CTNNA3: variants seen among roughly 807,000 people sequenced by gnomAD.
CTNNA3 encodes the protein catenin alpha-3.
Under a neutral mutation model 95.7 loss-of-function variants are expected in CTNNA3, and 76 were observed. That is an observed-to-expected ratio of 0.79 (90% CI 0.66 to 0.96). CTNNA3 has a LOEUF of 0.96. Ranked by LOEUF, CTNNA3 falls within the 40% of genes least tolerant of loss-of-function variation. The pLI is 0.00. For synonymous variants in CTNNA3, 431 were observed against 374.4 expected (o/e 1.15, Z -1.74); for missense variants, 1,191 against 1,089.8 (o/e 1.09, Z -1.31).
intron 13 of CTNNA3, among the ~76,000 whole-genome samples, chr10:66,114,144 A>G (rs2082225382): frequency 6.6e-6 from 1 of 152,084 alleles, no homozygotes; most frequent in Non-Finnish European, 1.5e-5. Flanking sequence ...GGAAAATCTC[A>G]CCTTTTTCAT....
At chr10:66,977,660 A>G (rs1850127167) in intron 7 of CTNNA3, among the ~76,000 whole-genome samples, 1 of 152,194 alleles carries the variant, frequency 6.6e-6, no homozygotes, top group South Asian at 2.1e-4. Context: ...TGGGCCTTGT[A>G]TGTTTTAAAG....
intron 7 of CTNNA3, among the ~76,000 whole-genome samples, chr10:67,030,169 G>A (rs1271739046): frequency 6.6e-6 from 1 of 152,192 alleles, no homozygotes; most frequent in Non-Finnish European, 1.5e-5. Flanking sequence ...CCAGTTGGAT[G>A]GTTTACAAGG....
chr10:67,188,994 G>A (rs1361079261), intron 6 of CTNNA3, among the ~76,000 whole-genome samples: 2 of 151,946 alleles, frequency 1.3e-5, no homozygotes, highest in South Asian at 2.1e-4. Context: ...GCGCATGCCT[G>A]TAGTTCCAGC....
chr10:66,941,420 G>A (rs1382678901), intron 7 of CTNNA3, among the ~76,000 whole-genome samples: 2 of 152,160 alleles, frequency 1.3e-5, no homozygotes. Flanking sequence ...GAATATCTTA[G>A]GTTCCTCTCA....
chr10:67,710,780 ATC>A (rs1564838010), intron 1 of CTNNA3, among the ~76,000 whole-genome samples: 1 of 152,180 alleles, frequency 6.6e-6, no homozygotes, highest in African/African-American at 2.4e-5. Flanking sequence ...TAGGGAAATA[ATC>A]TGTGTCCTGA....
chr10:66,866,019 C>G (rs1340742358), intron 7 of CTNNA3, among the ~76,000 whole-genome samples: 1 of 151,994 alleles, frequency 6.6e-6, no homozygotes, highest in Non-Finnish European at 1.5e-5. Context: ...TATGGAATCA[C>G]AGAAATGCAA....
chr10:67,373,850 G>A (rs944508736), intron 5 of CTNNA3, among the ~76,000 whole-genome samples: 12 of 152,026 alleles, frequency 7.9e-5, no homozygotes, highest in African/African-American at 2.7e-4. Context: ...AGAAGTCAAG[G>A]GAAACTTCAC....
At chr10:67,357,543 G>T (rs1842852494) in intron 5 of CTNNA3, among the ~76,000 whole-genome samples, 2 of 151,904 alleles carry the variant, frequency 1.3e-5, no homozygotes, top group South Asian at 2.1e-4. Context: ...CACAAAAGAA[G>T]ACTTCAGAAA....
chr10:66,325,682 G>A (rs1300643657), intron 12 of CTNNA3, among the ~76,000 whole-genome samples: 1 of 144,526 alleles, frequency 6.9e-6, no homozygotes, highest in African/African-American at 2.4e-5. Context: ...CATAAGGCAT[G>A]CCTTCTTGAC....
At chr10:67,473,029 T>C (rs1440740765) in intron 5 of CTNNA3, among the ~76,000 whole-genome samples, 1 of 152,254 alleles carries the variant, frequency 6.6e-6, no homozygotes. Context: ...TCTCTCCTCC[T>C]ATACCTAGTT....
intron 14 of CTNNA3, among the ~76,000 whole-genome samples, chr10:66,100,256 A>G (rs926721428): frequency 6.6e-6 from 1 of 152,128 alleles, no homozygotes; most frequent in Non-Finnish European, 1.5e-5. Context: ...TCCATCTTAG[A>G]AACAGAATAG....
intron 14 of CTNNA3, among the ~76,000 whole-genome samples, chr10:66,077,931 G>T (rs1341058716): frequency 2.0e-5 from 3 of 151,706 alleles, no homozygotes; most frequent in African/African-American, 7.2e-5. Context: ...ATCTTTAAAA[G>T]CCTGGTTGAT....
At chr10:67,287,757 C>A (rs1246545568) in intron 5 of CTNNA3, among the ~76,000 whole-genome samples, 1 of 152,138 alleles carries the variant, frequency 6.6e-6, no homozygotes, top group Non-Finnish European at 1.5e-5. Flanking sequence ...AGAACACCAG[C>A]ATTTGATATT....
chr10:66,335,543 T>TATTGGTGAACAGC (rs2092384714), intron 12 of CTNNA3, among the ~76,000 whole-genome samples: 2 of 151,932 alleles, frequency 1.3e-5, no homozygotes, highest in African/African-American at 4.8e-5. Flanking sequence ...TGCAGAACAG[T>TATTGGTGAACAGC]GGATATTGGT....
At chr10:66,403,675 C>T (rs2132568028) in intron 11 of CTNNA3, among the ~76,000 whole-genome samples, 1 of 152,204 alleles carries the variant, frequency 6.6e-6, no homozygotes, top group South Asian at 2.1e-4. Flanking sequence ...ACAGGGTGAG[C>T]AGACCCCAGT....
intron 9 of CTNNA3, among the ~76,000 whole-genome samples, chr10:66,739,050 C>T (rs1009069216): frequency 6.6e-6 from 1 of 152,056 alleles, no homozygotes; most frequent in East Asian, 1.9e-4. Context: ...CTCAGTCACC[C>T]ATAGACCTGG....
At chr10:65,994,107 G>T (rs2078598726) in intron 15 of CTNNA3, among the ~76,000 whole-genome samples, 3 of 152,194 alleles carry the variant, frequency 2.0e-5, no homozygotes, top group South Asian at 4.2e-4. Flanking sequence ...CTGTCATTTT[G>T]TAAATTGTTT....
chr10:66,899,243 CTT>C, intron 7 of CTNNA3, among the ~76,000 whole-genome samples: 1 of 152,162 alleles, frequency 6.6e-6, no homozygotes, highest in Non-Finnish European at 1.5e-5. Flanking sequence ...AACCTGGAAC[CTT>C]TGTCCACTGT....
chr10:66,037,774 T>C (rs1019006514), intron 15 of CTNNA3, among the ~76,000 whole-genome samples: 1 of 152,234 alleles, frequency 6.6e-6, no homozygotes, highest in Non-Finnish European at 1.5e-5. Flanking sequence ...GCCCTTGTTA[T>C]CATCAACCTC....
Sources: gnomAD v4.1 joint callset for allele counts (sites outside exome capture counted in the v4.1 genomes callset) on GRCh38, gnomAD v4.1.1 for gene constraint, MANE v1.5 for transcripts, NCBI Gene and HGNC (gene_info 2026-07-23, HGNC 2026-07-21) for gene names.